CEP128: variants seen among roughly 807,000 people sequenced by gnomAD.
CEP128 encodes centrosomal protein 128kDa.
In CEP128, 132 loss-of-function variants were observed where a neutral mutation model predicts 156.7. The ratio of observed to expected loss-of-function variants is 0.84; its 90% CI spans 0.73 to 0.97. The LOEUF (loss-of-function observed/expected upper bound fraction) is 0.97, where lower values mean the gene tolerates loss of function less well. Among genes scored for constraint, CEP128 ranks in the 50% least tolerant of loss-of-function variants. The pLI is 0.00. For synonymous variants in CEP128, 469 were observed against 448.9 expected, an observed-to-expected ratio of 1.04 and a Z score of -0.57; for missense variants, 1,252 against 1,281.9, an observed-to-expected ratio of 0.98 and a Z score of 0.36.
rs546650361 is a variant in CEP128 at position 80,534,773 on chromosome 14, C to A, written c.2881-3887G>T. ...CTGGGAGGTGCAGCTTGCAGTGAGC[C>A]CAGATCACACCACTGCACTCCAGCC... On this transcript the variant is annotated intron_variant, in intron 21 of 24. Transcript: ENST00000555265. Among the ~76,000 whole-genome samples, 8 of 140,440 alleles carry A rather than the reference C, an allele frequency of 5.7e-5. 1 individual carries two copies. In the South Asian group the frequency reaches 8.9e-4, roughly 16 times the overall value. The allele number at this position is 140,440 out of a possible 152,430, so 92.1% of individuals were successfully genotyped here.
At chr14:80,615,137 A>G (rs1350737734) in intron 19 of CEP128, among the ~76,000 whole-genome samples, 5 of 152,236 alleles carry the variant, frequency 3.3e-5, no homozygotes, top group Non-Finnish European at 7.3e-5. Flanking sequence ...TGACCCAAAA[A>G]CCAGATTTTA....
chr14:80,900,944 C>A (rs1169803585), intron 6 of CEP128, among the ~76,000 whole-genome samples: 2 of 151,808 alleles, frequency 1.3e-5, no homozygotes, highest in Non-Finnish European at 2.9e-5. Context: ...CGGTGGCTCA[C>A]GCCTGTAATC....
At chr14:80,793,880 T>G (rs1901848833) in intron 13 of CEP128, among the ~76,000 whole-genome samples, 1 of 152,198 alleles carries the variant, frequency 6.6e-6, no homozygotes, top group South Asian at 2.1e-4. Context: ...AGTTTAAACA[T>G]GAGAAGATAT....
chr14:80,658,934 C>A (rs1895285523), intron 19 of CEP128, among the ~76,000 whole-genome samples: 1 of 152,168 alleles, frequency 6.6e-6, no homozygotes, highest in Non-Finnish European at 1.5e-5. Context: ...AGCAACCAGA[C>A]TGCACAATGC....
At chr14:80,605,812 G>C (rs997424226) in intron 19 of CEP128, among the ~76,000 whole-genome samples, 12 of 151,944 alleles carry the variant, frequency 7.9e-5, no homozygotes, top group Non-Finnish European at 4.4e-5. Flanking sequence ...ATGAAGGTTT[G>C]GGATTTTAGT....
chr14:80,608,918 A>G (rs1394452042), intron 19 of CEP128, among the ~76,000 whole-genome samples: 1 of 152,202 alleles, frequency 6.6e-6, no homozygotes, highest in Non-Finnish European at 1.5e-5. Context: ...TTTGGGAACC[A>G]CCAGGCATCT....
chr14:80,646,677 T>A (rs930068255), intron 19 of CEP128, among the ~76,000 whole-genome samples: 1 of 151,954 alleles, frequency 6.6e-6, no homozygotes, highest in African/African-American at 2.4e-5. Flanking sequence ...TGTGAGTATC[T>A]ACTCTTAGCA....
chr14:80,932,485 T>C (rs1050046529), intron 2 of CEP128, among the ~76,000 whole-genome samples: 1 of 152,196 alleles, frequency 6.6e-6, no homozygotes. Flanking sequence ...TATCCTGAGA[T>C]TGCCTTGTGC....
At chr14:80,945,485 C>G (rs902760531), upstream of CEP128, 1 of 152,154 alleles carries the variant, frequency 6.6e-6, no homozygotes, top group African/African-American at 2.4e-5. Context: ...CCCACATCAC[C>G]CCTTAAACTG....
intron 19 of CEP128, among the ~76,000 whole-genome samples, chr14:80,699,612 G>C (rs1476619588): frequency 6.6e-6 from 1 of 151,674 alleles, no homozygotes; most frequent in Non-Finnish European, 1.5e-5. Flanking sequence ...ACCACACCTA[G>C]CACCTTAGGC....
At chr14:80,530,247 A>C (rs1383184133) in intron 22 of CEP128, among the ~76,000 whole-genome samples, 1 of 152,232 alleles carries the variant, frequency 6.6e-6, no homozygotes, top group Non-Finnish European at 1.5e-5. Flanking sequence ...TGTTTTGCAT[A>C]TCTCCTCTAT....
chr14:80,645,138 G>A (rs1044464302), intron 19 of CEP128, among the ~76,000 whole-genome samples: 28 of 152,054 alleles, frequency 1.8e-4, no homozygotes, highest in African/African-American at 4.6e-4. Flanking sequence ...TCATAACCAC[G>A]TAAGCTAACT....
At chr14:80,821,774 CCA>C (rs1398897652) in intron 13 of CEP128, among the ~76,000 whole-genome samples, 1 of 151,920 alleles carries the variant, frequency 6.6e-6, no homozygotes, top group Non-Finnish European at 1.5e-5. Flanking sequence ...CTCCCAGACT[CCA>C]GTGATTCTCC....
At chr14:80,808,603 G>A (rs1474244397) in intron 13 of CEP128, among the ~76,000 whole-genome samples, 1 of 152,002 alleles carries the variant, frequency 6.6e-6, no homozygotes, top group African/African-American at 2.4e-5. Flanking sequence ...AATCTGCCCT[G>A]GAGCCCAAGA....
chr14:80,952,450 CTG>C (rs1886486950), intron 2 of CEP128, among the ~76,000 whole-genome samples: 1 of 151,978 alleles, frequency 6.6e-6, no homozygotes, highest in Non-Finnish European at 1.5e-5. Context: ...GTATTTTAAA[CTG>C]AATACAAATG....
intron 19 of CEP128, among the ~76,000 whole-genome samples, chr14:80,647,011 A>ATATATATATAATG (rs1233103116): frequency 1.4e-5 from 1 of 72,526 alleles, no homozygotes; most frequent in South Asian, 4.7e-4. Context: ...ATATATATAT[A>ATATATATATAATG]TGTGTGTGTA....
At chr14:80,810,323 CAAAAAAAAAAAAAAAAAA>C (rs71103883) in intron 13 of CEP128, among the ~76,000 whole-genome samples, 1 of 15,192 alleles carries the variant, frequency 6.6e-5, no homozygotes, top group Non-Finnish European at 1.3e-4. Context: ...ACTCCATCTC[CAAAAAAAAAAAAAAAAAA>C]AAAAAAAGAA....
intron 19 of CEP128, among the ~76,000 whole-genome samples, chr14:80,617,001 T>C (rs189248079): frequency 7.0e-4 from 106 of 152,202 alleles, no homozygotes; most frequent in African/African-American, 2.4e-3. Context: ...ATGGTCCCAG[T>C]GGAAATCACT....
intron 19 of CEP128, among the ~76,000 whole-genome samples, chr14:80,593,561 A>AG (rs901435297): frequency 1.3e-5 from 2 of 151,378 alleles, no homozygotes; most frequent in African/African-American, 4.9e-5. Flanking sequence ...AAAAAAAAAA[A>AG]AAAAGAAAAC....
Sources: gnomAD v4.1 joint callset for allele counts (sites outside exome capture counted in the v4.1 genomes callset) on GRCh38, gnomAD v4.1.1 for gene constraint, MANE v1.5 for transcripts, NCBI Gene and HGNC (gene_info 2026-07-23, HGNC 2026-07-21) for gene names.